The following MBNL2 variants were observed in gnomAD, a reference collection of about 807,000 sequenced individuals.
The protein encoded by MBNL2 is muscleblind-like protein 2.
MBNL2 carries 17 observed loss-of-function variants against 41.9 expected under a neutral mutation model. The observed-to-expected ratio is 0.41, with a 90% CI of 0.28 to 0.61. The LOEUF (loss-of-function observed/expected upper bound fraction) is 0.61. Ranked by LOEUF, MBNL2 falls within the 20% of genes least tolerant of loss-of-function variation. MBNL2 has a pLI of 0.35. For missense variants in MBNL2, 336 were observed against 505.6 expected (o/e 0.66, Z 3.22); for synonymous variants, 195 against 182.9 (o/e 1.07, Z -0.53).
chr13:97,358,057 T>C (rs1039748264), intron 7 of MBNL2, among the ~76,000 whole-genome samples: 6 of 152,234 alleles, frequency 3.9e-5, no homozygotes, highest in Non-Finnish European at 8.8e-5. Flanking sequence ...AATGAGGCTA[T>C]TCAAATTAAA....
At position 97,334,154 on chromosome 13, in the gene MBNL2, A is replaced by ACACACACACC; in HGVS notation, c.175-113_175-112insCCACACACAC. On this transcript the variant is annotated intron_variant, in intron 2 of 8. Coordinates refer to ENST00000679496, the MANE Select transcript of MBNL2 (RefSeq NM_001382683.1). The surrounding 1 kb of genome is among the most constrained non-coding windows in gnomAD (Gnocchi z 5.3). ...TGAGCATGCGCGCGCACACCCACACACACACACACACACACACACACAGGA... is the reference window on the plus strand; with the variant it reads ...TGAGCATGCGCGCGCACACCCACACACACACACACCCACACACACACACACACACACAGGA... The ACACACACACC allele has an allele frequency of 1.5e-6, 1 of 671,838 alleles. No homozygotes were observed. The highest frequency in any genetic ancestry group is 2.5e-6 in the Non-Finnish European group (1 of 401,268). The allele number at this position is 671,838 out of a possible 1,614,324, so 41.6% of individuals were successfully genotyped here. A position where few individuals can be genotyped will look rare whatever the true frequency, so the allele number is the denominator to read the frequency against.
Position 97,366,782 on chromosome 13 carries a change from C to T in MBNL2, c.1048+1611C>T, listed in dbSNP as rs7333641. On this transcript the variant is annotated intron_variant, in intron 8 of 8. Coordinates refer to ENST00000679496, the MANE Select transcript of MBNL2 (RefSeq NM_001382683.1). The surrounding 1 kb of genome is among the most constrained non-coding windows in gnomAD (Gnocchi z 4.7). ...TTGTGTTGCACTGTTTGTTTTCGTA[C>T]CTAATATTGTGTAATTAACCTGACA... 139,320 of 586,120 alleles carry T rather than the reference C, an allele frequency of 0.24. 17,537 individuals are homozygous for T. The highest frequency in any genetic ancestry group is 0.27 in the Non-Finnish European group (88,435 of 328,034). The allele number at this position is 586,120 out of a possible 1,614,324, so 36.3% of individuals were successfully genotyped here. A position where few individuals can be genotyped will look rare whatever the true frequency, so the allele number is the denominator to read the frequency against.
intron 3 of MBNL2, among the ~76,000 whole-genome samples, chr13:97,339,360 G>C (rs1327232507): frequency 6.6e-6 from 1 of 151,944 alleles, no homozygotes; most frequent in African/African-American, 2.4e-5. Context: ...CTGCGGAGAG[G>C]AACACGGGAA....
In MBNL2 at chr13:97,321,468, G is replaced by T. The variant is rs545608163; in HGVS notation, c.175-12808G>T. On this transcript the variant is annotated intron_variant, in intron 2 of 8. Transcript: ENST00000679496. ...TCCATCGAGTGCATTATCATGCAAA[G>T]TCACTCATTCTGTTTTAAACAAATC... is the stretch of plus-strand genomic sequence containing the variant. Among the ~76,000 whole-genome samples the T allele has an allele frequency of 8.5e-5, 13 of 152,270 alleles. No individual in the cohort carries two copies. In the East Asian group the frequency reaches 2.1e-3, roughly 25 times the overall value.
chr13:97,319,870 A>G (rs1355512984), intron 2 of MBNL2, among the ~76,000 whole-genome samples: 1 of 152,126 alleles, frequency 6.6e-6, no homozygotes, highest in Admixed American at 6.5e-5. Context: ...CGTGGGAAAA[A>G]TCGGATGGCA....
chr13:97,171,784 C>T, the MBNL2 span, among the ~76,000 whole-genome samples: 1 of 152,118 alleles, frequency 6.6e-6, no homozygotes, highest in Non-Finnish European at 1.5e-5. Context: ...TTGTAGCTCC[C>T]ATAATTCCCA....
At chr13:97,376,055 A>G (rs1355707541) in intron 8 of MBNL2, among the ~76,000 whole-genome samples, 1 of 152,154 alleles carries the variant, frequency 6.6e-6, no homozygotes, top group African/African-American at 2.4e-5. Context: ...ACTCAAACCA[A>G]CTGAAAGTGA....
chr13:97,164,214 G>A, the MBNL2 span, among the ~76,000 whole-genome samples: 17 of 152,212 alleles, frequency 1.1e-4, no homozygotes, highest in African/African-American at 3.9e-4. Flanking sequence ...CGCCATGCTG[G>A]CCAGGCTGGT....
chr13:97,277,932 G>T (rs1374115999), intron 2 of MBNL2, among the ~76,000 whole-genome samples: 1 of 152,056 alleles, frequency 6.6e-6, no homozygotes, highest in East Asian at 1.9e-4. Context: ...TTGCCTCTAC[G>T]ATTATCAGCA....
chr13:97,315,976 C>A (rs921792645), intron 2 of MBNL2, among the ~76,000 whole-genome samples: 1 of 152,182 alleles, frequency 6.6e-6, no homozygotes, highest in Non-Finnish European at 1.5e-5. Context: ...GGTTTGTTCT[C>A]AATTTCTTTC....
intron 1 of MBNL2, among the ~76,000 whole-genome samples, chr13:97,249,990 T>A (rs2046211020): frequency 6.6e-6 from 1 of 152,236 alleles, no homozygotes; most frequent in South Asian, 2.1e-4. Context: ...TGGCAAAGCT[T>A]TTTGCTGGCT....
chr13:97,326,524 C>G (rs977737314), intron 2 of MBNL2, among the ~76,000 whole-genome samples: 43 of 152,136 alleles, frequency 2.8e-4, no homozygotes, highest in Non-Finnish European at 4.7e-4. Flanking sequence ...AAATAATAAA[C>G]AGAAAGAGCT....
rs55745808 is a variant in MBNL2 at position 97,363,418 on chromosome 13, CTGTGTGTGTG to C, written c.1013-1681_1013-1672del. On this transcript the variant is annotated intron_variant, in intron 7 of 8. Transcript: ENST00000679496. ...CAAAGGGAGTTGCCAGAAAGAAAAA[CTGTGTGTGTG>C]TGTGTGTGTGTGTGTGTGTGTGTGT... 5.8e-3 allele frequency among the ~76,000 whole-genome samples: 788 copies of C among 136,722 alleles called. 3 individuals are homozygous for C. Among genetic ancestry groups the C allele is most frequent in the African/African-American group, 0.018 (631 of 35,372 alleles). 89.7% of individuals were successfully genotyped at this position (136,722 alleles called of 152,430 possible).
At chr13:97,326,951 G>T (rs181067306) in intron 2 of MBNL2, among the ~76,000 whole-genome samples, 46 of 152,308 alleles carry the variant, frequency 3.0e-4, no homozygotes, top group Middle Eastern at 6.8e-3. Context: ...ATGTGACTGA[G>T]ACCTGTATAA....
chr13:97,283,434 C>T (rs937858285), intron 2 of MBNL2, among the ~76,000 whole-genome samples: 10 of 152,132 alleles, frequency 6.6e-5, no homozygotes, highest in African/African-American at 2.4e-4. Flanking sequence ...TACAATCCAC[C>T]CCCACCCCTG....
chr13:97,189,361 A>AAAAGGAAAAAGAAAGGGAG, the MBNL2 span, among the ~76,000 whole-genome samples: 1 of 152,222 alleles, frequency 6.6e-6, no homozygotes, highest in East Asian at 1.9e-4. Flanking sequence ...ATTGCAAAGA[A>AAAAGGAAAAAGAAAGGGAG]AAAGGAAAAA....
intron 1 of MBNL2, among the ~76,000 whole-genome samples, chr13:97,239,775 T>A (rs564930826): frequency 6.6e-6 from 1 of 152,346 alleles, no homozygotes; most frequent in Non-Finnish European, 1.5e-5. Context: ...GATAGATACT[T>A]CTGGTTATGT....
intron 8 of MBNL2, among the ~76,000 whole-genome samples, chr13:97,379,170 G>A (rs542665491): frequency 6.6e-6 from 1 of 152,302 alleles, no homozygotes; most frequent in East Asian, 1.9e-4. Context: ...TTTAGTAGAA[G>A]CGAAAACTTT....
intron 8 of MBNL2, among the ~76,000 whole-genome samples, chr13:97,368,042 TCTGAAGTCCTGCCTCC>T (rs1330865678): frequency 6.6e-6 from 1 of 152,180 alleles, no homozygotes; most frequent in East Asian, 1.9e-4. Context: ...TTCTTTCAAG[TCTGAAGTCCTGCCTCC>T]TTGAACTATG....
Sources: gnomAD v4.1 joint callset for allele counts (sites outside exome capture counted in the v4.1 genomes callset) on GRCh38, gnomAD v4.1.1 for gene constraint, Gnocchi (gnomAD v3.1) non-coding constraint, MANE v1.5 for transcripts, NCBI Gene and HGNC (gene_info 2026-07-23, HGNC 2026-07-21) for gene names.